Variants in CELSR1 observed in about 807,000 individuals in gnomAD.
The protein encoded by CELSR1 is cadherin EGF LAG seven-pass G-type receptor 1.
A neutral mutation model predicts 249.1 loss-of-function variants in CELSR1; 110 were observed. That is an observed-to-expected ratio of 0.44 (90% CI 0.38 to 0.52). CELSR1 has a LOEUF of 0.52. Among genes scored for constraint, CELSR1 ranks in the 20% least tolerant of loss-of-function variants. The probability of loss-of-function intolerance (pLI) is 0.00; values close to 1 mark genes in which losing one functional copy is unlikely to be tolerated. For synonymous variants in CELSR1, 2,113 were observed against 1,900.0 expected (o/e 1.11, Z -2.92); for missense variants, 4,109 against 4,296.4 (o/e 0.96, Z 1.22).
rs1040032016 is a variant in CELSR1 at position 46,374,710 on chromosome 22, A to C, written c.7585-1653T>G. On this transcript the variant is annotated intron_variant, in intron 24 of 34. Transcript: ENST00000674500. The surrounding 1 kb of genome is among the most constrained non-coding windows in gnomAD (Gnocchi z 4.3). ...GACTCCCCTCTCCCCCATTCACGCC[A>C]CTCAAAAGCACACTAGAGGGGTTTT... is the stretch of plus-strand genomic sequence containing the variant. Among the ~76,000 whole-genome samples the C allele has an allele frequency of 2.0e-5, 3 of 152,068 alleles. No individual in the cohort carries two copies. Among genetic ancestry groups the C allele is most frequent in the African/African-American group, 7.2e-5 (3 of 41,406 alleles).
rs144722111 is a variant in CELSR1 at position 46,364,212 on chromosome 22, G to A, written c.8819C>T (p.Thr2940Met). 5.4e-4 allele frequency: 873 copies of A among 1,611,392 alleles called. 9 individuals carry two copies. The South Asian group carries it at 7.5e-3, about 14-fold the overall frequency. The change falls in exon 34 of 35, where the codon ACG becomes ATG. Residue 2940 changes from threonine to methionine, a missense_variant. Physicochemically the swap from Thr to Met is moderately conservative, Grantham distance 81 (BLOSUM62 -1). This residue lies in a region of CELSR1 where 1,805 missense variants were observed against 1,831.6 expected (regional missense o/e 0.99). Transcript: ENST00000674500. ...GCCCTTCAGCGTCTGCTCCGTCAGC[G>A]TCAGCGGCGGCGGGTAGGTGACTTT... ...KNKVTYPPPL[T>M]LTEQTLKGRL...
At chr22:46,438,840 C>T (rs987700360) in intron 3 of CELSR1, among the ~76,000 whole-genome samples, 1 of 152,272 alleles carries the variant, frequency 6.6e-6, no homozygotes, top group East Asian at 1.9e-4. Flanking sequence ...CTCACTGCAA[C>T]CTCCACCTTC....
At chr22:46,426,974 G>A (rs925546614) in intron 5 of CELSR1, among the ~76,000 whole-genome samples, 25 of 152,242 alleles carry the variant, frequency 1.6e-4, no homozygotes, top group Non-Finnish European at 2.4e-4. Flanking sequence ...GGGCTGGGAC[G>A]GCATCAGGGG....
At chr22:46,514,145 C>T (rs546927980) in intron 1 of CELSR1, among the ~76,000 whole-genome samples, 57 of 152,260 alleles carry the variant, frequency 3.7e-4, no homozygotes, top group African/African-American at 1.3e-3. Flanking sequence ...ACTTTTCTCA[C>T]ATCCCAGCAC....
chr22:46,386,448 C>T lies in CELSR1; in HGVS notation c.6693G>A (p.Val2231=), dbSNP rs748380579. 65 of 1,601,628 alleles carry T rather than the reference C, an allele frequency of 4.1e-5. No individual in the cohort carries two copies. The highest frequency in any genetic ancestry group is 2.3e-5 in the East Asian group (1 of 44,434). The change falls in exon 19 of 35, where the codon GTG becomes GTA. Residue 2231 remains valine, a synonymous_variant. Transcript: ENST00000674500. ...CGAAGGGCCGCAGGTACGTCCGCCG[C>T]ACGTTGCGTGCCACGTTGCTGAAGT... is the stretch of plus-strand genomic sequence containing the variant. ...EGYFSNVARN[V]RRTYLRPFVI...
intron 1 of CELSR1, among the ~76,000 whole-genome samples, chr22:46,513,911 G>GCCC (rs11412661): frequency 1.3e-5 from 2 of 150,910 alleles, no homozygotes; most frequent in African/African-American, 2.4e-5. Flanking sequence ...TCCTGCCTCA[G>GCCC]CCCCCCCCGA....
At position 46,423,768 on chromosome 22, in the gene CELSR1, T is replaced by C. The variant is rs1245363654; in HGVS notation, c.4611+9625A>G. Among the ~76,000 whole-genome samples, 1 of 151,692 alleles carries C rather than the reference T, an allele frequency of 6.6e-6. No individual in the cohort carries two copies. Among genetic ancestry groups the C allele is most frequent in the African/African-American group, 2.4e-5 (1 of 41,236 alleles). ...AGTTGGATCACCTGAGGTCAGGAGT[T>C]CGAGACCAGCCTGGCCAACATGGTG... On this transcript the variant is annotated intron_variant, in intron 5 of 34. Coordinates refer to ENST00000674500, the MANE Select transcript of CELSR1 (RefSeq NM_001378328.1). The surrounding 1 kb of genome is among the most constrained non-coding windows in gnomAD (Gnocchi z 5.6).
At chr22:46,503,032 G>C (rs5768851) in intron 1 of CELSR1, among the ~76,000 whole-genome samples, 117,086 of 152,076 alleles carry the variant, frequency 0.77, 45,460 homozygotes, top group East Asian at 0.98. Flanking sequence ...CTCCAGGACA[G>C]CCCCCCTTCT....
At chr22:46,443,612 T>C (rs2079781015) in intron 2 of CELSR1, among the ~76,000 whole-genome samples, 1 of 152,216 alleles carries the variant, frequency 6.6e-6, no homozygotes, top group Admixed American at 6.5e-5. Flanking sequence ...TCCACATGTA[T>C]TCACACATGC....
chr22:46,445,807 C>T lies in CELSR1; in HGVS notation c.4184-6396G>A, dbSNP rs114957775. ...CGGAGGTGGAAGCGTCCAGGACTCC[C>T]CGGGTGCTGTTCTCCCTGCTTGCAG... On this transcript the variant is annotated intron_variant, in intron 2 of 34. Transcript: ENST00000674500. The surrounding 1 kb of genome is among the most constrained non-coding windows in gnomAD (Gnocchi z 4.4). 3.2e-3 allele frequency among the ~76,000 whole-genome samples: 492 copies of T among 152,324 alleles called. No individual in the cohort carries two copies. The highest frequency in any genetic ancestry group is 0.011 in the African/African-American group (457 of 41,578).
intron 2 of CELSR1, among the ~76,000 whole-genome samples, chr22:46,460,425 C>A (rs1483605447): frequency 6.6e-6 from 1 of 151,958 alleles, no homozygotes; most frequent in African/African-American, 2.4e-5. Flanking sequence ...TTGAGGGAGG[C>A]CCATGATGGG....
In CELSR1 at chr22:46,534,631, A is replaced by G. The variant is rs778836180; in HGVS notation, c.2540T>C (p.Met847Thr). ...CTGGTTCTCATAGTCCAGCTCCATC[A>G]TGGTGTACATGGTGCCACTGTCGGG... ...IDPDSGTMYT[M>T]MELDYENQVA... Residue 847 changes from methionine (M) to threonine (T), a missense_variant, in exon 1 of 35, where the codon ATG becomes ACG. Transcript: ENST00000674500. This position sits in a 1 kb window ranked among gnomAD's most constrained non-coding sequence, Gnocchi z 9.7. The G allele has an allele frequency of 7.4e-6, 12 of 1,613,930 alleles. No homozygotes were observed. In the South Asian group the frequency reaches 1.3e-4, roughly 18 times the overall value.
chr22:46,455,225 G>A (rs1292860916), intron 2 of CELSR1, among the ~76,000 whole-genome samples: 1 of 152,118 alleles, frequency 6.6e-6, no homozygotes, highest in African/African-American at 2.4e-5. Context: ...TAAGACAAGA[G>A]ACTTTTTTCT....
At chr22:46,481,150 G>T (rs1386527928) in intron 1 of CELSR1, among the ~76,000 whole-genome samples, 1 of 151,920 alleles carries the variant, frequency 6.6e-6, no homozygotes, top group Non-Finnish European at 1.5e-5. Context: ...CAGAAAAATG[G>T]CTTGAACCTG....
In CELSR1 at chr22:46,500,734, G is replaced by A. The variant is rs1377106150; in HGVS notation, c.3544+32893C>T. 6.6e-6 allele frequency among the ~76,000 whole-genome samples: 1 copy of A among 152,124 alleles called. No homozygotes were observed. Among genetic ancestry groups the A allele is most frequent in the African/African-American group, 2.4e-5 (1 of 41,418 alleles). On this transcript the variant is annotated intron_variant, in intron 1 of 34. Coordinates refer to ENST00000674500, the MANE Select transcript of CELSR1 (RefSeq NM_001378328.1). This position sits in a 1 kb window ranked among gnomAD's most constrained non-coding sequence, Gnocchi z 4.9. The stretch of plus-strand genomic sequence containing the variant: ...TTTTCTGGGTGACCTGGGAGCCTTT[G>A]ACTGCAGTTTCAGAATGAAGCTCAC...
rs2079305489 is a variant in CELSR1 at position 46,409,442 on chromosome 22, G to A, written c.5060-280C>T. 6.6e-6 allele frequency among the ~76,000 whole-genome samples: 1 copy of A among 152,168 alleles called. No individual in the cohort carries two copies. The highest frequency in any genetic ancestry group is 2.4e-5 in the African/African-American group (1 of 41,436). On this transcript the variant is annotated intron_variant, in intron 8 of 34. Transcript: ENST00000674500. The surrounding 1 kb of genome is among the most constrained non-coding windows in gnomAD (Gnocchi z 9.8). ...GGCGTGGTAAGGGGCTCTCAGGCTT[G>A]ACAGGAGGCAGACGGGGGCGGGTTC...
chr22:46,481,952 T>C (rs976348746), intron 1 of CELSR1, among the ~76,000 whole-genome samples: 5 of 152,116 alleles, frequency 3.3e-5, no homozygotes, highest in African/African-American at 1.2e-4. Context: ...TTTGTATTTT[T>C]AGTAGAGATG....
chr22:46,420,295 G>T (rs1170029466), intron 5 of CELSR1, among the ~76,000 whole-genome samples: 1 of 142,102 alleles, frequency 7.0e-6, no homozygotes, highest in Non-Finnish European at 1.5e-5. Flanking sequence ...TGCACACTCA[G>T]CCACTCATGT....
Position 46,436,254 on chromosome 22 carries a change from T to C in CELSR1, c.4442A>G (p.Tyr1481Cys), listed in dbSNP as rs367727210. Residue 1481 changes from tyrosine to cysteine, a missense_variant, in exon 4 of 35, where the codon TAC (tyrosine) becomes TGC (cysteine). This residue lies in a region of CELSR1 where 453 missense variants were observed against 492.0 expected (regional missense o/e 0.92). Coordinates refer to ENST00000674500, the MANE Select transcript of CELSR1 (RefSeq NM_001378328.1). The surrounding 1 kb of genome is among the most constrained non-coding windows in gnomAD (Gnocchi z 5.9). Reference protein sequence around the residue: ...ATQERNGLLLYNGRFNEKHDF... With the variant: ...ATQERNGLLLCNGRFNEKHDF... ...GTGCTTCTCATTGAAGCGGCCGTTGTAGAGAAGCAAGCCGTTCCTTTCCTG... is the reference window on the plus strand; with the variant it reads ...GTGCTTCTCATTGAAGCGGCCGTTGCAGAGAAGCAAGCCGTTCCTTTCCTG... 6.2e-7 allele frequency: 1 copy of C among 1,614,132 alleles called. No homozygotes were observed. The highest frequency in any genetic ancestry group is 8.5e-7 in the Non-Finnish European group (1 of 1,180,020).
Sources: gnomAD v4.1 joint callset for allele counts (sites outside exome capture counted in the v4.1 genomes callset) on GRCh38, gnomAD v4.1.1 for gene constraint, gnomAD v4.1.1 regional missense constraint, Gnocchi (gnomAD v3.1) non-coding constraint, MANE v1.5 for transcripts, NCBI Gene and HGNC (gene_info 2026-07-23, HGNC 2026-07-21) for gene names.